Variants in RBMS3 observed in about 807,000 individuals in gnomAD.
RBMS3 encodes the protein RNA-binding motif, single-stranded-interacting protein 3.
RBMS3 carries 27 observed loss-of-function variants against 66.8 expected under a neutral mutation model. That is an observed-to-expected ratio of 0.40 (90% CI 0.30 to 0.56). The LOEUF is 0.56. Among genes scored for constraint, RBMS3 ranks in the 20% least tolerant of loss-of-function variants. RBMS3 has a pLI of 0.40. For missense variants in RBMS3, 513 were observed against 549.5 expected, an observed-to-expected ratio of 0.93 and a Z score of 0.66; for synonymous variants, 188 against 183.0, an observed-to-expected ratio of 1.03 and a Z score of -0.22.
chr3:29,529,143 T>C (rs1236739395), intron 3 of RBMS3, among the ~76,000 whole-genome samples: 1 of 152,234 alleles, frequency 6.6e-6, no homozygotes, highest in South Asian at 2.1e-4. Context: ...GCTGCTCATA[T>C]TTTAGAATTG....
intron 4 of RBMS3, among the ~76,000 whole-genome samples, chr3:29,651,125 G>A (rs17024078): frequency 0.016 from 2,440 of 152,228 alleles, 47 homozygotes; most frequent in African/African-American, 0.047. Context: ...CTTAATCACA[G>A]CATCTTCAGA....
At chr3:29,446,655 G>A (rs9878651) in intron 2 of RBMS3, among the ~76,000 whole-genome samples, 98,615 of 151,898 alleles carry the variant, frequency 0.65, 32,257 homozygotes, top group East Asian at 0.72. Flanking sequence ...AGTATGCTTT[G>A]ATAGTAAAAG....
intron 1 of RBMS3, among the ~76,000 whole-genome samples, chr3:29,362,701 A>G (rs2037672289): frequency 6.6e-6 from 1 of 152,162 alleles, no homozygotes; most frequent in South Asian, 2.1e-4. Flanking sequence ...ATTTCTTCCA[A>G]AATTCCATAG....
At chr3:29,710,132 G>A (rs1246986013) in intron 4 of RBMS3, among the ~76,000 whole-genome samples, 2 of 152,132 alleles carry the variant, frequency 1.3e-5, no homozygotes, top group Admixed American at 6.5e-5. Context: ...AAACCGTTTA[G>A]GCTATTTCCA....
intron 6 of RBMS3, among the ~76,000 whole-genome samples, chr3:29,805,183 A>G (rs1489881885): frequency 6.6e-6 from 1 of 151,984 alleles, no homozygotes. Context: ...TCTATTGTCT[A>G]CTAACACTGA....
At chr3:29,704,406 T>C (rs1230913535) in intron 4 of RBMS3, among the ~76,000 whole-genome samples, 1 of 151,934 alleles carries the variant, frequency 6.6e-6, no homozygotes, top group Non-Finnish European at 1.5e-5. Flanking sequence ...GAAATACAGA[T>C]GCATTTTGGC....
At chr3:29,606,009 T>G (rs1431176075) in intron 4 of RBMS3, among the ~76,000 whole-genome samples, 2 of 151,232 alleles carry the variant, frequency 1.3e-5, no homozygotes, top group Non-Finnish European at 3.0e-5. Context: ...TGTATATATA[T>G]CTTATGAGTT....
chr3:29,770,818 G>C (rs778389172), intron 6 of RBMS3, among the ~76,000 whole-genome samples: 1 of 151,954 alleles, frequency 6.6e-6, no homozygotes, highest in African/African-American at 2.4e-5. Flanking sequence ...TAACACACAA[G>C]CCAGGGAAAC....
intron 2 of RBMS3, among the ~76,000 whole-genome samples, chr3:29,436,138 G>A (rs1192864359): frequency 6.6e-6 from 1 of 152,010 alleles, no homozygotes; most frequent in Non-Finnish European, 1.5e-5. Context: ...CTTTTGCAAT[G>A]CTTTTTAAAA....
chr3:29,849,489 G>A (rs4377456), intron 6 of RBMS3, among the ~76,000 whole-genome samples: 5,197 of 150,126 alleles, frequency 0.035, 131 homozygotes, highest in Non-Finnish European at 0.051. Context: ...ACTCCAGCCT[G>A]GGTGACAGAG....
intron 1 of RBMS3, among the ~76,000 whole-genome samples, chr3:29,295,691 T>C (rs1169260538): frequency 6.6e-6 from 1 of 151,710 alleles, no homozygotes; most frequent in Non-Finnish European, 1.5e-5. Flanking sequence ...TAGATATTTC[T>C]GGTTTTTTAT....
At chr3:29,350,161 G>GA (rs11401285) in intron 1 of RBMS3, among the ~76,000 whole-genome samples, 53,815 of 135,886 alleles carry the variant, frequency 0.4, 10,327 homozygotes, top group East Asian at 0.46. Context: ...AACTCCATCT[G>GA]AAAAAAAAAA....
intron 12 of RBMS3, among the ~76,000 whole-genome samples, chr3:29,976,819 T>C (rs1697620051): frequency 6.9e-6 from 1 of 145,824 alleles, no homozygotes; most frequent in Non-Finnish European, 1.5e-5. Context: ...AATAGAATTA[T>C]GCAAATCTAA....
At chr3:29,363,384 ACT>A (rs2037715474) in intron 1 of RBMS3, among the ~76,000 whole-genome samples, 1 of 152,110 alleles carries the variant, frequency 6.6e-6, no homozygotes, top group Admixed American at 6.5e-5. Flanking sequence ...ACCTACAGAG[ACT>A]CTCTAATCCA....
At chr3:29,451,030 C>T (rs2042002078) in intron 2 of RBMS3, among the ~76,000 whole-genome samples, 1 of 152,132 alleles carries the variant, frequency 6.6e-6, no homozygotes, top group African/African-American at 2.4e-5. Flanking sequence ...TCTTCATCGA[C>T]TCCCCCACAT....
At position 29,488,841 on chromosome 3, in the gene RBMS3, A is replaced by T. The variant is rs188595065; in HGVS notation, c.307+342A>T. Among the ~76,000 whole-genome samples, 181 of 152,266 alleles carry T rather than the reference A, an allele frequency of 1.2e-3. 1 individual carries two copies. Among genetic ancestry groups the T allele is most frequent in the African/African-American group, 4.1e-3 (169 of 41,560 alleles). On this transcript the variant is annotated intron_variant, in intron 3 of 14. Coordinates refer to ENST00000383767, the MANE Select transcript of RBMS3 (RefSeq NM_001003793.3). ...ATAAAAATGAGGAACTCTGGGGAAAACTTCCCCATGCAAAACACATTTTAA... is the reference window on the plus strand; with the variant it reads ...ATAAAAATGAGGAACTCTGGGGAAATCTTCCCCATGCAAAACACATTTTAA...
chr3:29,711,710 A>G (rs556910238), intron 4 of RBMS3, among the ~76,000 whole-genome samples: 1 of 152,284 alleles, frequency 6.6e-6, no homozygotes, highest in African/African-American at 2.4e-5. Flanking sequence ...GGCTCCATAC[A>G]CATGCTCTAA....
In RBMS3 at chr3:29,507,593, T is replaced by A. The variant is rs543890756; in HGVS notation, c.307+19094T>A. Among the ~76,000 whole-genome samples the A allele has an allele frequency of 8.5e-5, 13 of 152,250 alleles. 1 individual carries two copies. Among genetic ancestry groups the A allele is most frequent in the African/African-American group, 3.1e-4 (13 of 41,568 alleles). ...CAATGTTTTTACTTGATATGTGTAA[T>A]TATCAGTTGACATGTCTCTCTCCTC... On this transcript the variant is annotated intron_variant, in intron 3 of 14. Transcript: ENST00000383767.
At chr3:29,946,746 A>G (rs1695341850) in intron 12 of RBMS3, among the ~76,000 whole-genome samples, 1 of 151,610 alleles carries the variant, frequency 6.6e-6, no homozygotes, top group Non-Finnish European at 1.5e-5. Context: ...ATTTAAGAAG[A>G]ACAGAGATTT....
Sources: gnomAD v4.1 joint callset for allele counts (sites outside exome capture counted in the v4.1 genomes callset) on GRCh38, gnomAD v4.1.1 for gene constraint, MANE v1.5 for transcripts, NCBI Gene and HGNC (gene_info 2026-07-23, HGNC 2026-07-21) for gene names.